Variants in CRIM1 observed in about 807,000 individuals in gnomAD.
CRIM1 encodes cysteine-rich motor neuron 1 protein.
Under a neutral mutation model 116.4 loss-of-function variants are expected in CRIM1, and 32 were observed. The ratio of observed to expected loss-of-function variants is 0.27; its 90% confidence interval spans 0.21 to 0.37. The LOEUF is 0.37. CRIM1 is among the 10% of genes least tolerant of loss of function. The pLI, the probability that CRIM1 is intolerant of heterozygous loss-of-function variation, is 1.00. For missense variants in CRIM1, 1,331 were observed against 1,354.8 expected, an observed-to-expected ratio of 0.98 and a Z score of 0.28; for synonymous variants, 590 against 509.2, an observed-to-expected ratio of 1.16 and a Z score of -2.13.
At chr2:36,397,864 G>A (rs1235547113) in intron 2 of CRIM1, among the ~76,000 whole-genome samples, 2 of 152,172 alleles carry the variant, frequency 1.3e-5, no homozygotes, top group Non-Finnish European at 2.9e-5. Flanking sequence ...GAGGATCCTA[G>A]AGAACATTTA....
intron 4 of CRIM1, among the ~76,000 whole-genome samples, chr2:36,455,708 C>G (rs1379195837): frequency 6.6e-6 from 1 of 152,170 alleles, no homozygotes; most frequent in African/African-American, 2.4e-5. Flanking sequence ...GATTCTCAGT[C>G]TCACTGGAGA....
In CRIM1 at chr2:36,517,359, A is replaced by G; in HGVS notation, c.2023A>G (p.Thr675Ala). ...DFVVQKPELSTPSICHAPGGE... is the reference protein window; with the variant it reads ...DFVVQKPELSAPSICHAPGGE... The stretch of plus-strand genomic sequence containing the variant: ...TGTGGTGCAGAAGCCAGAGCTCAGT[A>G]CTCCCTCCATTTGCCACGCCCCTGG... Residue 675 changes from threonine (T) to alanine (A), a missense_variant, in exon 12 of 17, where the codon ACT (threonine) becomes GCT (alanine). Physicochemically the swap from Thr to Ala is moderately conservative, Grantham distance 58 (BLOSUM62 0). Around this residue, in one of 3 missense-constraint regions of CRIM1, gnomAD observed 358 missense variants for 436.1 expected, o/e 0.82. Transcript: ENST00000280527. 1 of 1,614,044 alleles carries G rather than the reference A, an allele frequency of 6.2e-7. No individual in the cohort carries two copies. The highest frequency in any genetic ancestry group is 1.1e-5 in the South Asian group (1 of 91,076).
intron 11 of CRIM1, among the ~76,000 whole-genome samples, chr2:36,515,534 T>G (rs1336870242): frequency 6.6e-6 from 1 of 152,204 alleles, no homozygotes; most frequent in Non-Finnish European, 1.5e-5. Flanking sequence ...AAAGAATATT[T>G]TTCTCCCCTC....
intron 2 of CRIM1, among the ~76,000 whole-genome samples, chr2:36,402,353 T>C (rs1462064791): frequency 6.7e-6 from 1 of 149,598 alleles, no homozygotes; most frequent in African/African-American, 2.5e-5. Context: ...GAGAATTCCA[T>C]ATGGACGGAA....
In CRIM1 at chr2:36,404,911, C is replaced by T. The variant is rs372893022; in HGVS notation, c.505+8124C>T. On this transcript the variant is annotated intron_variant, in intron 2 of 16. Coordinates refer to ENST00000280527, the MANE Select transcript of CRIM1 (RefSeq NM_016441.3). ...ATGGTAATATCATGAGTTTTTTATT[C>T]CATTTTTAGTTTTTTACATTTCACT... 2.6e-4 allele frequency among the ~76,000 whole-genome samples: 39 copies of T among 152,062 alleles called. 2 individuals are homozygous for T. The South Asian group carries it at 8.1e-3, about 32-fold the overall frequency.
intron 5 of CRIM1, among the ~76,000 whole-genome samples, chr2:36,471,879 C>T (rs575771944): frequency 6.6e-6 from 1 of 152,288 alleles, no homozygotes; most frequent in Non-Finnish European, 1.5e-5. Flanking sequence ...CTTTTAAATG[C>T]ACTGGGAAGC....
At chr2:36,484,932 C>T (rs1305959812) in intron 7 of CRIM1, among the ~76,000 whole-genome samples, 1 of 152,132 alleles carries the variant, frequency 6.6e-6, no homozygotes, top group Non-Finnish European at 1.5e-5. Flanking sequence ...AAGCAAAATC[C>T]ATGTTCTATC....
intron 2 of CRIM1, among the ~76,000 whole-genome samples, chr2:36,429,434 A>G (rs1384101053): frequency 2.6e-5 from 4 of 152,174 alleles, no homozygotes; most frequent in Admixed American, 2.6e-4. Context: ...ATTCTCTCTC[A>G]GGCCTAGATG....
rs1053983512 is a variant in CRIM1 at position 36,549,769 on chromosome 2, A to T, written c.*1068A>T. 1 of 152,266 alleles carries T rather than the reference A, an allele frequency of 6.6e-6. No individual in the cohort carries two copies. The highest frequency in any genetic ancestry group is 1.9e-4 in the East Asian group (1 of 5,200). The allele number at this position is 152,266 out of a possible 1,614,324, so 9.4% of individuals were successfully genotyped here. On this transcript the variant is annotated 3_prime_UTR_variant, in exon 17 of 17. Coordinates refer to ENST00000280527, the MANE Select transcript of CRIM1 (RefSeq NM_016441.3). ...AAATGATGCCTCTTTAAACTTTAGC[A>T]ATTATAGGAGTATTTATGTAACTAT...
At position 36,549,852 on chromosome 2, in the gene CRIM1, CATAT is replaced by C. The variant is rs1164552279; in HGVS notation, c.*1156_*1159del. The C allele has an allele frequency of 6.0e-5, 9 of 150,496 alleles. No individual in the cohort carries two copies. The highest frequency in any genetic ancestry group is 4.2e-4 in the South Asian group (2 of 4,730). The allele number at this position is 150,496 out of a possible 1,614,324, so 9.3% of individuals were successfully genotyped here. The stretch of plus-strand genomic sequence containing the variant: ...CATGTGTATATAATATATATATATA[CATAT>C]ATATTTATACACATACAATTTATGT... On this transcript the variant is annotated 3_prime_UTR_variant, in exon 17 of 17. Coordinates refer to ENST00000280527, the MANE Select transcript of CRIM1 (RefSeq NM_016441.3).
At chr2:36,481,360 T>A (rs1161093763) in intron 7 of CRIM1, among the ~76,000 whole-genome samples, 2 of 152,208 alleles carry the variant, frequency 1.3e-5, no homozygotes, top group African/African-American at 2.4e-5. Context: ...CTTAGTGTGG[T>A]CACTTAGAAT....
chr2:36,491,687 C>G (rs562777910), intron 7 of CRIM1, among the ~76,000 whole-genome samples: 5 of 152,144 alleles, frequency 3.3e-5, no homozygotes, highest in Non-Finnish European at 2.9e-5. Flanking sequence ...TTGTCCCTAA[C>G]GTGCAGACCC....
At chr2:36,539,110 C>T (rs775420394) in intron 14 of CRIM1, among the ~76,000 whole-genome samples, 3 of 152,050 alleles carry the variant, frequency 2.0e-5, no homozygotes, top group Non-Finnish European at 2.9e-5. Context: ...GATGGGGATC[C>T]GGCTCTGGAG....
rs1279896682 is a variant in CRIM1, at chr2:36,537,554, A to C, written c.2623+8A>C. 1 of 1,591,138 alleles carries C rather than the reference A, an allele frequency of 6.3e-7. No homozygotes were observed. Among genetic ancestry groups the C allele is most frequent in the Non-Finnish European group, 8.6e-7 (1 of 1,168,382 alleles). The stretch of plus-strand genomic sequence containing the variant: ...GCTGCCCAATGTGTCCAGGTATCTA[A>C]GCCACCATCCTTCCATTTGTCAAGC... On this transcript the variant is annotated splice_region_variant and intron_variant, in intron 14 of 16. Coordinates refer to ENST00000280527, the MANE Select transcript of CRIM1 (RefSeq NM_016441.3).
intron 1 of CRIM1, among the ~76,000 whole-genome samples, chr2:36,367,656 A>G (rs1453459012): frequency 6.6e-6 from 1 of 152,204 alleles, no homozygotes; most frequent in African/African-American, 2.4e-5. Flanking sequence ...CAGGGAAGGA[A>G]AAAGTGATAG....
chr2:36,441,615 T>A, intron 3 of CRIM1, 115 bp downstream of exon 3: 1 of 1,301,232 alleles, frequency 7.7e-7, no homozygotes, highest in East Asian at 2.4e-5. Context: ...CTCACCGGTG[T>A]CCTGTGAATC....
intron 13 of CRIM1, among the ~76,000 whole-genome samples, chr2:36,530,838 T>C (rs893423792): frequency 1.3e-5 from 2 of 152,190 alleles, no homozygotes; most frequent in Admixed American, 1.3e-4. Context: ...ACCAGCTGTC[T>C]GCGCGTCTTT....
rs141114073 is a variant in CRIM1, at chr2:36,548,411, T to G, written c.2935-114T>G. 72 of 695,458 alleles carry G rather than the reference T, an allele frequency of 1.0e-4. No homozygotes were observed. The East Asian group carries it at 1.9e-3, about 19-fold the overall frequency. 43.1% of individuals were successfully genotyped at this position (695,458 alleles called of 1,614,324 possible). A position where few individuals can be genotyped will look rare whatever the true frequency, so the allele number is the denominator to read the frequency against. The stretch of plus-strand genomic sequence containing the variant: ...TGATAATCTGCATACAGGCTATCAA[T>G]CAATGAATTGTGAAACTGTTATCTC... On this transcript the variant is annotated intron_variant, in intron 16 of 16. Transcript: ENST00000280527.
chr2:36,512,155 A>G, intron 9 of CRIM1, 118 bp from the exon 10 acceptor site: 1 of 1,253,400 alleles, frequency 8.0e-7, no homozygotes, highest in Non-Finnish European at 1.1e-6. Context: ...CTTTGAGAGC[A>G]AAAGTCAAGT....
Sources: allele counts gnomAD v4.1 joint callset (sites outside exome capture counted in the v4.1 genomes callset), GRCh38; gene constraint gnomAD v4.1.1; regional missense constraint gnomAD v4.1.1; transcripts MANE v1.5; gene names NCBI Gene and HGNC (gene_info 2026-07-23, HGNC 2026-07-21).